Variants in PRH1 observed in about 807,000 individuals in gnomAD.
PRH1 encodes salivary acidic proline-rich phosphoprotein 1/2.
In PRH1, 7 loss-of-function variants were observed where a neutral mutation model predicts 7.9. That is an observed-to-expected ratio of 0.89 (90% CI 0.50 to 1.67). The LOEUF is 1.67. Ranked by LOEUF, PRH1 falls within the 40% of genes most tolerant of loss-of-function variation. The pLI is 0.00. For synonymous variants in PRH1, 45 were observed against 80.8 expected (o/e 0.56, Z 2.38); for missense variants, 109 against 223.6 (o/e 0.49, Z 3.27).
intron 1 of PRH1, among the ~76,000 whole-genome samples, chr12:11,042,734 A>G (rs546227608): frequency 1.5e-4 from 21 of 142,840 alleles, no homozygotes; most frequent in African/African-American, 5.5e-4. Context: ...GGTTCACGCC[A>G]TTCTCCTGCC....
intron 1 of PRH1, among the ~76,000 whole-genome samples, chr12:11,068,018 GCTT>G (rs1452040048): frequency 1.4e-5 from 2 of 140,530 alleles, no homozygotes; most frequent in African/African-American, 5.1e-5. Context: ...TTATGTTTCT[GCTT>G]TTTTAACTTT....
At chr12:11,018,470 G>A (rs7957791) in intron 1 of PRH1, among the ~76,000 whole-genome samples, 66,297 of 151,300 alleles carry the variant, frequency 0.44, 15,191 homozygotes, top group Non-Finnish European at 0.51. Flanking sequence ...CACCTTGCCT[G>A]ATCTAGATCA....
chr12:11,074,314 CTT>C (rs1413128096), intron 1 of PRH1, among the ~76,000 whole-genome samples: 2 of 151,560 alleles, frequency 1.3e-5, no homozygotes, highest in Non-Finnish European at 2.9e-5. Context: ...GACACTTCAC[CTT>C]TGGAGCAGAA....
chr12:11,117,100 C>A (rs1372000058), downstream of PRH1, among the ~76,000 whole-genome samples: 4 of 151,992 alleles, frequency 2.6e-5, no homozygotes, highest in Non-Finnish European at 5.9e-5. Context: ...TAAAGAGCAT[C>A]CACATAGGAA....
At chr12:11,056,228 T>C (rs1452619110) in intron 1 of PRH1, among the ~76,000 whole-genome samples, 1 of 152,268 alleles carries the variant, frequency 6.6e-6, no homozygotes, top group Non-Finnish European at 1.5e-5. Flanking sequence ...ATTTTATAAC[T>C]ATTCCTTGGG....
intron 1 of PRH1, among the ~76,000 whole-genome samples, chr12:10,988,797 G>A (rs1939780438): frequency 6.6e-6 from 1 of 151,906 alleles, no homozygotes; most frequent in South Asian, 2.1e-4. Context: ...AATTTAGAAT[G>A]ATCATTTCCT....
At chr12:10,995,419 T>TCA (rs749566193) in intron 1 of PRH1, among the ~76,000 whole-genome samples, 1 of 152,176 alleles carries the variant, frequency 6.6e-6, no homozygotes, top group Non-Finnish European at 1.5e-5. Flanking sequence ...ATTAATACAG[T>TCA]CACACAGAAT....
At chr12:11,050,558 T>C (rs1943101154), upstream of PRH1, among the ~76,000 whole-genome samples, 2 of 152,242 alleles carry the variant, frequency 1.3e-5, no homozygotes, top group Admixed American at 6.5e-5. Context: ...GGCCAGTTTA[T>C]GGCCAGATTT....
At chr12:11,074,442 G>C (rs7962655) in intron 1 of PRH1, among the ~76,000 whole-genome samples, 46,397 of 88,018 alleles carry the variant, frequency 0.53, 10,431 homozygotes, top group East Asian at 0.82. Context: ...AAGGGGAACC[G>C]CTGGAGGTGA....
intron 1 of PRH1, among the ~76,000 whole-genome samples, chr12:10,883,679 C>T (rs17743092): frequency 0.021 from 3,229 of 152,304 alleles, 56 homozygotes; most frequent in Non-Finnish European, 0.033. Flanking sequence ...GACAATGTTT[C>T]ACTCTGGTTA....
At chr12:10,914,363 T>C (rs1949943414) in intron 2 of PRH1, among the ~76,000 whole-genome samples, 1 of 152,318 alleles carries the variant, frequency 6.6e-6, no homozygotes, top group East Asian at 1.9e-4. Flanking sequence ...ACATGTGCCA[T>C]AGTAAATTAT....
At chr12:10,970,115 T>G (rs777725625) in intron 2 of PRH1, among the ~76,000 whole-genome samples, 2 of 152,176 alleles carry the variant, frequency 1.3e-5, no homozygotes, top group Non-Finnish European at 2.9e-5. Flanking sequence ...TGGAGTATTT[T>G]ATTATAGCAA....
chr12:11,027,094 A>G (rs1941954881), intron 1 of PRH1, among the ~76,000 whole-genome samples: 1 of 152,150 alleles, frequency 6.6e-6, no homozygotes, highest in African/African-American at 2.4e-5. Context: ...GTGAAATCCT[A>G]GCCCTACAGA....
In PRH1 at chr12:11,068,488, T is replaced by C. The variant is rs113172361; in HGVS notation, n.124-21300A>G. Among the ~76,000 whole-genome samples, 1,390 of 152,308 alleles carry C rather than the reference T, an allele frequency of 9.1e-3. 17 individuals carry two copies. The highest frequency in any genetic ancestry group is 0.031 in the African/African-American group (1,305 of 41,560). ...TTTTGATCACTGTATAGTATTCCAT[T>C]GTATAAGTATGCCACAATTTGTTTA... On this transcript the variant is annotated intron_variant and non_coding_transcript_variant, in intron 1 of 4. Transcript: ENST00000541977.
intron 2 of PRH1, among the ~76,000 whole-genome samples, chr12:10,917,951 G>C (rs563605400): frequency 1.3e-5 from 2 of 152,172 alleles, no homozygotes; most frequent in African/African-American, 2.4e-5. Flanking sequence ...ACCAGAAGCT[G>C]AGCAGATATC....
At chr12:10,930,603 T>G in intron 2 of PRH1, 2 of 1,604,190 alleles carry the variant, frequency 1.2e-6, no homozygotes, top group African/African-American at 1.3e-5. Context: ...GACAGAGAGA[T>G]ATGAAGACAG....
intron 1 of PRH1, among the ~76,000 whole-genome samples, chr12:11,153,196 A>T (rs1455272702): frequency 6.6e-6 from 1 of 152,202 alleles, no homozygotes; most frequent in African/African-American, 2.4e-5. Context: ...TTGCTGACTT[A>T]TAAGTGTGCT....
intron 2 of PRH1, among the ~76,000 whole-genome samples, chr12:10,894,001 G>T (rs974818150): frequency 6.6e-6 from 1 of 151,828 alleles, no homozygotes; most frequent in African/African-American, 2.4e-5. Context: ...AAACTGATTG[G>T]TTATCCCTGA....
At chr12:10,943,036 C>T (rs1565488952) in intron 2 of PRH1, among the ~76,000 whole-genome samples, 1 of 152,182 alleles carries the variant, frequency 6.6e-6, no homozygotes, top group Admixed American at 6.5e-5. Context: ...GCAATTTGGG[C>T]CTTCACAGTA....
Sources: allele counts gnomAD v4.1 joint callset (sites outside exome capture counted in the v4.1 genomes callset), GRCh38; gene constraint gnomAD v4.1.1; transcripts MANE v1.5; gene names NCBI Gene and HGNC (gene_info 2026-07-23, HGNC 2026-07-21).